FRMPD1: variants seen among roughly 807,000 people sequenced by gnomAD.
The protein encoded by FRMPD1 is FERM and PDZ domain containing 1, also known as FERM and PDZ domain-containing protein 1.
Under a neutral mutation model 117.8 loss-of-function variants are expected in FRMPD1, and 76 were observed. The ratio of observed to expected loss-of-function variants is 0.65; its 90% CI spans 0.54 to 0.78. The LOEUF is 0.78. Among genes scored for constraint, FRMPD1 ranks in the 30% least tolerant of loss-of-function variants. The probability of loss-of-function intolerance (pLI) is 0.00; values close to 1 mark genes in which losing one functional copy is unlikely to be tolerated. For synonymous variants in FRMPD1, 783 were observed against 770.4 expected, an observed-to-expected ratio of 1.02 and a Z score of -0.27; for missense variants, 1,786 against 1,964.5, an observed-to-expected ratio of 0.91 and a Z score of 1.72.
chr9:37,677,229 G>T (rs57581037), intron 1 of FRMPD1, among the ~76,000 whole-genome samples: 22,525 of 152,172 alleles, frequency 0.15, 2,233 homozygotes, highest in East Asian at 0.47. Flanking sequence ...AGAGTTCTGC[G>T]AGGCATGTCC....
chr9:37,704,724 ATTATTGTCGTTATTGCT>A (rs2118126968), intron 2 of FRMPD1, among the ~76,000 whole-genome samples: 1 of 151,862 alleles, frequency 6.6e-6, no homozygotes, highest in South Asian at 2.1e-4. Flanking sequence ...GTTATTAATT[ATTATTGTCGTTATTGCT>A]GTGATTACCA....
At chr9:37,719,230 C>T (rs1823287215) in intron 6 of FRMPD1, 54 bp downstream of exon 6, 1 of 1,055,760 alleles carries the variant, frequency 9.5e-7, no homozygotes, top group Non-Finnish European at 1.5e-6. Context: ...TGCCTTCTGG[C>T]ACATAACTCC....
intron 2 of FRMPD1, among the ~76,000 whole-genome samples, chr9:37,693,478 C>T (rs1158275454): frequency 2.0e-5 from 3 of 152,182 alleles, no homozygotes; most frequent in African/African-American, 7.2e-5. Flanking sequence ...ATAAACTTTG[C>T]TCAGGGCTCC....
chr9:37,716,725 C>G (rs1056063418), intron 5 of FRMPD1, among the ~76,000 whole-genome samples: 2 of 152,128 alleles, frequency 1.3e-5, no homozygotes, highest in African/African-American at 4.8e-5. Context: ...TTATCTTGTT[C>G]CCTGCAGCTC....
Position 37,740,889 on chromosome 9 carries a change from G to A in FRMPD1, c.2356+5G>A. 1 of 1,611,630 alleles carries A rather than the reference G, an allele frequency of 6.2e-7. No homozygotes were observed. Among genetic ancestry groups the A allele is most frequent in the Non-Finnish European group, 8.5e-7 (1 of 1,177,732 alleles). On this transcript the variant is annotated splice_donor_5th_base_variant and intron_variant, in intron 15 of 15. Coordinates refer to ENST00000377765, the MANE Select transcript of FRMPD1 (RefSeq NM_014907.3). This position sits in a 1 kb window ranked among gnomAD's most constrained non-coding sequence, Gnocchi z 4.2. ...CTCCCCCAGGCCCCCCGTCAGGTGAGCCGTCCCTTGCAGGTCTGCAGACAC... is the reference window on the plus strand; with the variant it reads ...CTCCCCCAGGCCCCCCGTCAGGTGAACCGTCCCTTGCAGGTCTGCAGACAC...
chr9:37,724,554 TAGAG>T (rs1823541727), intron 7 of FRMPD1, among the ~76,000 whole-genome samples: 1 of 151,848 alleles, frequency 6.6e-6, no homozygotes, highest in African/African-American at 2.4e-5. Context: ...AATCGGGACT[TAGAG>T]AGATGAAGTG....
chr9:37,744,764 C>T lies in FRMPD1; in HGVS notation c.2732C>T (p.Thr911Ile). The T allele has an allele frequency of 6.2e-7, 1 of 1,614,146 alleles. No homozygotes were observed. The highest frequency in any genetic ancestry group is 1.1e-5 in the South Asian group (1 of 91,082). Residue 911 changes from threonine to isoleucine, a missense_variant, in exon 16 of 16, where the codon ACC becomes ATC. By Grantham distance (89) the Thr-to-Ile change is moderately conservative (BLOSUM62 -1). Coordinates refer to ENST00000377765, the MANE Select transcript of FRMPD1 (RefSeq NM_014907.3). ...GGGCTGCTGGCTCCTCTGAGGGAGA[C>T]CAAGAGCACAAACCCAGCCTCCAGG... The part of the protein sequence containing the change: ...ALGLLAPLRE[T>I]KSTNPASRVM...
the FRMPD1 span, among the ~76,000 whole-genome samples, chr9:37,617,646 C>T: frequency 6.6e-6 from 1 of 152,168 alleles, no homozygotes. Context: ...GACACTGTGT[C>T]CTCATTAATT....
intron 1 of FRMPD1, among the ~76,000 whole-genome samples, chr9:37,675,435 T>A (rs1050115325): frequency 7.2e-5 from 10 of 139,402 alleles, no homozygotes; most frequent in African/African-American, 1.9e-4. Flanking sequence ...AAAAAAAAAA[T>A]ACAAATCATG....
chr9:37,719,046 T>C lies in FRMPD1; in HGVS notation c.409-23T>C, dbSNP rs373549069. On this transcript the variant is annotated intron_variant, in intron 5 of 15. Transcript: ENST00000377765. ...CTTTTATGAAAGCACTGTTCCAAAATGCATCATGTTACTGTTTTTCAGGGA... is the reference window on the plus strand; with the variant it reads ...CTTTTATGAAAGCACTGTTCCAAAACGCATCATGTTACTGTTTTTCAGGGA... 7.2e-6 allele frequency: 10 copies of C among 1,394,924 alleles called. No individual in the cohort carries two copies. In the African/African-American group the frequency reaches 8.5e-5, roughly 12 times the overall value. 86.4% of individuals were successfully genotyped at this position (1,394,924 alleles called of 1,614,324 possible).
the FRMPD1 span, among the ~76,000 whole-genome samples, chr9:37,638,508 A>G: frequency 1.3e-5 from 2 of 152,178 alleles, no homozygotes; most frequent in African/African-American, 4.8e-5. Context: ...GATTTTCAGG[A>G]ACTGATCCCA....
At chr9:37,644,334 G>A in the FRMPD1 span, among the ~76,000 whole-genome samples, 1 of 152,200 alleles carries the variant, frequency 6.6e-6, no homozygotes, top group African/African-American at 2.4e-5. Context: ...ACTCACTAGC[G>A]AGGCTGACTA....
At chr9:37,650,145 G>GTC (rs1563917608), upstream of FRMPD1, among the ~76,000 whole-genome samples, 1 of 152,196 alleles carries the variant, frequency 6.6e-6, no homozygotes, top group Non-Finnish European at 1.5e-5. Flanking sequence ...TATCTCCAGT[G>GTC]TCTAATGCAG....
intron 1 of FRMPD1, among the ~76,000 whole-genome samples, chr9:37,661,043 A>G (rs576322414): frequency 3.3e-5 from 5 of 152,258 alleles, no homozygotes; most frequent in East Asian, 3.9e-4. Flanking sequence ...TTGGTTTGCT[A>G]TATCAGCCAA....
chr9:37,679,399 T>C (rs1821644354), intron 1 of FRMPD1, among the ~76,000 whole-genome samples: 1 of 152,246 alleles, frequency 6.6e-6, no homozygotes. Flanking sequence ...TGCAATTTAC[T>C]CATTCAAAGC....
rs1437999243 is a variant in FRMPD1, at chr9:37,733,762, T to G, written c.1155T>G (p.Asn385Lys). Reference sequence around the variant, plus strand: ...TTTCTGCTGCCCAGCTACGTTTAAATTATCTACAGATCCTCGGAGAACTCA... The same window carrying G: ...TTTCTGCTGCCCAGCTACGTTTAAAGTATCTACAGATCCTCGGAGAACTCA... ...QLISAAQLRL[N>K]YLQILGELKT... Residue 385 changes from asparagine to lysine, a missense_variant, in exon 12 of 16, where the codon AAT becomes AAG. Transcript: ENST00000377765. 2 of 1,608,286 alleles carry G rather than the reference T, an allele frequency of 1.2e-6. No individual in the cohort carries two copies. The highest frequency in any genetic ancestry group is 2.7e-5 in the African/African-American group (2 of 74,802).
the FRMPD1 span, among the ~76,000 whole-genome samples, chr9:37,633,031 A>AT: frequency 4.1e-5 from 6 of 145,750 alleles, 1 homozygote; most frequent in African/African-American, 1.5e-4. Flanking sequence ...ATATATATAT[A>AT]TTTTTCTTTT....
At chr9:37,706,954 CCATCCATCCATCCATCCATCCATT>C (rs1415650642) in intron 2 of FRMPD1, among the ~76,000 whole-genome samples, 1 of 151,406 alleles carries the variant, frequency 6.6e-6, no homozygotes, top group Non-Finnish European at 1.5e-5. Flanking sequence ...ATCCATCCAT[CCATCCATCCATCCATCCATCCATT>C]CATTCATTGA....
chr9:37,703,584 A>T (rs1822604456), intron 2 of FRMPD1, among the ~76,000 whole-genome samples: 1 of 152,160 alleles, frequency 6.6e-6, no homozygotes, highest in South Asian at 2.1e-4. Context: ...TGTACAATTC[A>T]ATGGTTCTTA....
Sources: gnomAD v4.1 joint callset for allele counts (sites outside exome capture counted in the v4.1 genomes callset) on GRCh38, gnomAD v4.1.1 for gene constraint, Gnocchi (gnomAD v3.1) non-coding constraint, MANE v1.5 for transcripts, NCBI Gene and HGNC (gene_info 2026-07-23, HGNC 2026-07-21) for gene names.